CTNNA3: variants seen among roughly 807,000 people sequenced by gnomAD.
CTNNA3 encodes the protein catenin alpha-3.
A neutral mutation model predicts 95.7 loss-of-function variants in CTNNA3; 76 were observed. The observed-to-expected ratio is 0.79, with a 90% CI of 0.66 to 0.96. The LOEUF (loss-of-function observed/expected upper bound fraction) is 0.96, where lower values mean the gene tolerates loss of function less well. Ranked by LOEUF, CTNNA3 falls within the 40% of genes least tolerant of loss-of-function variation. The pLI is 0.00. For synonymous variants in CTNNA3, 431 were observed against 374.4 expected (o/e 1.15, Z -1.74); for missense variants, 1,191 against 1,089.8 (o/e 1.09, Z -1.31).
intron 9 of CTNNA3, among the ~76,000 whole-genome samples, chr10:66,727,967 A>C (rs1564643104): frequency 6.6e-6 from 1 of 152,214 alleles, no homozygotes; most frequent in Non-Finnish European, 1.5e-5. Flanking sequence ...AAACTTTATT[A>C]ATGTGACGAA....
intron 5 of CTNNA3, among the ~76,000 whole-genome samples, chr10:67,387,206 G>A (rs973530449): frequency 2.4e-4 from 37 of 152,174 alleles, no homozygotes; most frequent in Admixed American, 2.1e-3. Flanking sequence ...TGCGCGCACC[G>A]TGCACCAGCC....
intron 14 of CTNNA3, chr10:66,079,289 G>A (rs1044833067): frequency 3.3e-5 from 5 of 151,822 alleles, no homozygotes; most frequent in African/African-American, 4.8e-5. Flanking sequence ...AGAAAAAGAC[G>A]TATTTAGAAC....
At chr10:66,393,971 T>C (rs1435887768) in intron 11 of CTNNA3, among the ~76,000 whole-genome samples, 2 of 152,090 alleles carry the variant, frequency 1.3e-5, no homozygotes, top group East Asian at 1.9e-4. Flanking sequence ...AATTATATTA[T>C]TCAGCTATTC....
At chr10:67,563,147 T>A (rs112573249) in intron 3 of CTNNA3, among the ~76,000 whole-genome samples, 1 of 151,988 alleles carries the variant, frequency 6.6e-6, no homozygotes, top group African/African-American at 2.4e-5. Context: ...TACTTTAAAG[T>A]TCATATGGAA....
At chr10:66,026,345 T>C (rs530365320) in intron 15 of CTNNA3, among the ~76,000 whole-genome samples, 1 of 152,328 alleles carries the variant, frequency 6.6e-6, no homozygotes, top group African/African-American at 2.4e-5. Flanking sequence ...ATTTAATCAA[T>C]GTTTTCATTG....
chr10:66,157,933 A>G (rs1564711118), intron 13 of CTNNA3, among the ~76,000 whole-genome samples: 1 of 151,710 alleles, frequency 6.6e-6, no homozygotes, highest in African/African-American at 2.4e-5. Flanking sequence ...GCATTTTTTC[A>G]TATGTTTGTT....
Position 66,351,672 on chromosome 10 carries a change from A to C in CTNNA3, c.1732+27480T>G, listed in dbSNP as rs1007034895. On this transcript the variant is annotated intron_variant, in intron 12 of 17. Coordinates refer to ENST00000433211, the MANE Select transcript of CTNNA3 (RefSeq NM_013266.4). Reference sequence around the variant, plus strand: ...CAAAAATAAATGAATAAAAATAAAAATTTGCACTATCATGTTTAGTAGCAT... The same window carrying C: ...CAAAAATAAATGAATAAAAATAAAACTTTGCACTATCATGTTTAGTAGCAT... Among the ~76,000 whole-genome samples the C allele has an allele frequency of 2.6e-5, 4 of 152,026 alleles. 1 individual carries two copies. Among genetic ancestry groups the C allele is most frequent in the African/African-American group, 9.7e-5 (4 of 41,442 alleles).
At chr10:66,465,958 G>A (rs1053807499) in intron 11 of CTNNA3, among the ~76,000 whole-genome samples, 3 of 152,062 alleles carry the variant, frequency 2.0e-5, no homozygotes, top group Non-Finnish European at 4.4e-5. Context: ...CTTTGTGATG[G>A]TTAATTTTAT....
chr10:66,234,680 ATT>A (rs1440162311), intron 13 of CTNNA3, among the ~76,000 whole-genome samples: 3 of 152,166 alleles, frequency 2.0e-5, no homozygotes, highest in Admixed American at 1.3e-4. Flanking sequence ...ATCAACTGTT[ATT>A]TTGCAAGGTG....
chr10:67,387,075 C>G lies in CTNNA3; in HGVS notation c.579+134767G>C, dbSNP rs973133907. On this transcript the variant is annotated intron_variant, in intron 5 of 17. Transcript: ENST00000433211. ...AGGACCCAAGACGGCCGAATAGGAA[C>G]GGCTCTGGTCTACAGCTCCCAGCGT... Among the ~76,000 whole-genome samples the G allele has an allele frequency of 3.3e-5, 5 of 152,166 alleles. No individual in the cohort carries two copies. In the East Asian group the frequency reaches 5.8e-4, roughly 18 times the overall value.
intron 3 of CTNNA3, among the ~76,000 whole-genome samples, chr10:67,569,880 C>CCTTCT (rs1273568735): frequency 6.6e-6 from 1 of 152,086 alleles, no homozygotes; most frequent in Non-Finnish European, 1.5e-5. Flanking sequence ...TTAGCTCATC[C>CCTTCT]CTTCTCTTCT....
At chr10:66,457,426 G>A (rs1349356429) in intron 11 of CTNNA3, among the ~76,000 whole-genome samples, 1 of 152,012 alleles carries the variant, frequency 6.6e-6, no homozygotes, top group Non-Finnish European at 1.5e-5. Context: ...AATGTGCAGT[G>A]ACTAGAACAC....
At chr10:67,692,132 T>C (rs74778905) in intron 1 of CTNNA3, among the ~76,000 whole-genome samples, 16 of 144,458 alleles carry the variant, frequency 1.1e-4, no homozygotes, top group African/African-American at 3.6e-4. Context: ...GTCAGCCCCC[T>C]GCCCGGCCAG....
chr10:67,149,308 G>C (rs1008344883), intron 7 of CTNNA3, among the ~76,000 whole-genome samples: 1 of 152,100 alleles, frequency 6.6e-6, no homozygotes, highest in Non-Finnish European at 1.5e-5. Context: ...AAAAGAGGCC[G>C]GGTGCAGTGG....
chr10:66,125,161 A>G (rs538222257), intron 13 of CTNNA3, among the ~76,000 whole-genome samples: 1 of 152,306 alleles, frequency 6.6e-6, no homozygotes, highest in South Asian at 2.1e-4. Flanking sequence ...ACTTAGATCT[A>G]AAAAAAGAAC....
At chr10:67,062,176 T>C (rs1855795226) in intron 7 of CTNNA3, among the ~76,000 whole-genome samples, 1 of 139,290 alleles carries the variant, frequency 7.2e-6, no homozygotes, top group African/African-American at 2.8e-5. Context: ...CCCCATTTTA[T>C]AGATAAGAAC....
chr10:66,175,202 C>T (rs1589639128), intron 13 of CTNNA3, among the ~76,000 whole-genome samples: 1 of 152,080 alleles, frequency 6.6e-6, no homozygotes, highest in South Asian at 2.1e-4. Context: ...ACTCACAACC[C>T]TCAGCTAAAG....
At chr10:67,739,589 C>G (rs1841323182) in intron 1 of CTNNA3, among the ~76,000 whole-genome samples, 1 of 151,682 alleles carries the variant, frequency 6.6e-6, no homozygotes, top group Non-Finnish European at 1.5e-5. Flanking sequence ...ACCTAGGAAT[C>G]CACCTTACAA....
intron 13 of CTNNA3, among the ~76,000 whole-genome samples, chr10:66,142,439 G>C (rs1019627881): frequency 5.3e-5 from 8 of 151,914 alleles, no homozygotes; most frequent in African/African-American, 1.7e-4. Flanking sequence ...ACTCAATGTT[G>C]GTCCTCCAAC....
Sources: gnomAD v4.1 joint callset for allele counts (sites outside exome capture counted in the v4.1 genomes callset) on GRCh38, gnomAD v4.1.1 for gene constraint, MANE v1.5 for transcripts, NCBI Gene and HGNC (gene_info 2026-07-23, HGNC 2026-07-21) for gene names.